ZNF728: variants seen among roughly 807,000 people sequenced by gnomAD.
The protein encoded by ZNF728 is zinc finger protein 728.
Under a neutral mutation model 12.5 loss-of-function variants are expected in ZNF728, and 12 were observed. That is an observed-to-expected ratio of 0.96 (90% confidence interval 0.61 to 1.55). The LOEUF is 1.55. Among genes scored for constraint, ZNF728 ranks in the 40% most tolerant of loss-of-function variants. The probability of loss-of-function intolerance (pLI) is 0.00; values close to 1 mark genes in which losing one functional copy is unlikely to be tolerated. For synonymous variants in ZNF728, 205 were observed against 240.7 expected, an observed-to-expected ratio of 0.85 and a Z score of 1.37; for missense variants, 692 against 719.2, an observed-to-expected ratio of 0.96 and a Z score of 0.43.
rs1011899417 is a variant in ZNF728 at position 22,987,392 on chromosome 19, G to A, written c.142C>T (p.Pro48Ser). 3 of 1,600,534 alleles carry A rather than the reference G, an allele frequency of 1.9e-6. No homozygotes were observed. Among genetic ancestry groups the A allele is most frequent in the African/African-American group, 2.7e-5 (2 of 74,088 alleles). The part of the protein sequence containing the change: ...RNLVFLGIAA[P>S]KPDLIIFLEQ... ...AGAAAAATGATCAGGTCTGGCTTAG[G>A]GGCAGCAATACCTGTTTTATTAAAA... Residue 48 changes from proline to serine, a missense_variant, in exon 3 of 4, where the codon CCT becomes TCT. By Grantham distance (74) the Pro-to-Ser change is moderately conservative. Around this residue, in one of 3 missense-constraint regions of ZNF728, gnomAD observed 440 missense variants for 459.6 expected, o/e 0.96. Transcript: ENST00000594710.
In ZNF728 at chr19:22,988,354, A is replaced by G. The variant is rs1399546261; in HGVS notation, c.101T>C (p.Leu34Ser). The G allele has an allele frequency of 1.2e-6, 2 of 1,614,068 alleles. No homozygotes were observed. Among genetic ancestry groups the G allele is most frequent in the Non-Finnish European group, 1.7e-6 (2 of 1,180,024 alleles). Reference protein sequence around the residue: ...AQQNLYRNVMLENYRNLVFLG... With the variant: ...AQQNLYRNVMSENYRNLVFLG... ...GAAGACCAGGTTTCTGTAGTTCTCT[A>G]ACATCACATTCCTATATAAATTCTG... is the stretch of plus-strand genomic sequence containing the variant. The change falls in exon 2 of 4, where the codon TTA (leucine) becomes TCA (serine). Residue 34 changes from leucine to serine, a missense_variant. Transcript: ENST00000594710.
chr19:22,979,278 A>T (rs1968837413), intron 3 of ZNF728, among the ~76,000 whole-genome samples: 1 of 152,228 alleles, frequency 6.6e-6, no homozygotes, highest in African/African-American at 2.4e-5. Context: ...CTGAAGATCA[A>T]CTTAATGAAA....
intron 1 of ZNF728, among the ~76,000 whole-genome samples, chr19:22,996,497 G>C (rs1177168527): frequency 6.6e-6 from 1 of 152,096 alleles, no homozygotes; most frequent in East Asian, 1.9e-4. Context: ...GTATCTTTTA[G>C]TCTATATTAT....
rs777465943 is a variant in ZNF728, at chr19:22,976,643, C to G, written c.694G>C (p.Glu232Gln). 71 of 1,613,010 alleles carry G rather than the reference C, an allele frequency of 4.4e-5. No homozygotes were observed. Among genetic ancestry groups the G allele is most frequent in the Non-Finnish European group, 5.8e-5 (68 of 1,179,944 alleles). ...HTGEKPCKCE[E>Q]CGKAFSKFSI... ...AACTTACTAAAGGCTTTGCCACATT[C>G]TTCACATTTGCAGGGTTTCTCTCCA... The change falls in exon 4 of 4, where the codon GAA becomes CAA. Residue 232 changes from glutamate to glutamine, a missense_variant. Physicochemically the swap from Glu to Gln is conservative, Grantham distance 29. Coordinates refer to ENST00000594710, the MANE Select transcript of ZNF728 (RefSeq NM_001267716.2).
At chr19:23,002,992 G>A (rs1283832277) in intron 1 of ZNF728, 36 bp downstream of exon 1, 2 of 1,587,690 alleles carry the variant, frequency 1.3e-6, no homozygotes, top group African/African-American at 1.4e-5. Flanking sequence ...ACCAGCGGCT[G>A]CCACTCTCTC....
chr19:22,997,638 G>C (rs1443776601), intron 1 of ZNF728, among the ~76,000 whole-genome samples: 1 of 151,388 alleles, frequency 6.6e-6, no homozygotes, highest in East Asian at 1.9e-4. Context: ...GCTAGCAAAG[G>C]CAAGAAGTAA....
chr19:22,984,577 TACACACAC>T (rs57794293), intron 3 of ZNF728, among the ~76,000 whole-genome samples: 1,743 of 109,234 alleles, frequency 0.016, 35 homozygotes, highest in African/African-American at 0.052. Context: ...AAAAAAAAAA[TACACACAC>T]ACACACACAC....
intron 1 of ZNF728, among the ~76,000 whole-genome samples, chr19:23,000,517 T>C (rs1028840703): frequency 2.6e-5 from 4 of 152,164 alleles, no homozygotes; most frequent in African/African-American, 9.7e-5. Flanking sequence ...ATGCTCTTTG[T>C]AAATATTTTC....
At chr19:22,977,482 C>T (rs1329369922) in intron 3 of ZNF728, among the ~76,000 whole-genome samples, 1 of 152,022 alleles carries the variant, frequency 6.6e-6, no homozygotes, top group African/African-American at 2.4e-5. Context: ...TTGGCACATA[C>T]AATTTAATTT....
At chr19:22,980,456 A>G (rs958012391) in intron 3 of ZNF728, among the ~76,000 whole-genome samples, 9 of 152,172 alleles carry the variant, frequency 5.9e-5, no homozygotes, top group Non-Finnish European at 1.3e-4. Flanking sequence ...CCCACTGTCA[A>G]TATTAGCCCC....
intron 1 of ZNF728, among the ~76,000 whole-genome samples, chr19:22,989,869 CATA>C (rs1162337345): frequency 6.6e-6 from 1 of 152,064 alleles, no homozygotes; most frequent in Non-Finnish European, 1.5e-5. Flanking sequence ...ACTGCATAGA[CATA>C]ATAAGGAACA....
In ZNF728 at chr19:22,975,487, C is replaced by T. The variant is rs1401311761; in HGVS notation, c.1850G>A (p.Gly617Glu). 6.5e-7 allele frequency: 1 copy of T among 1,544,178 alleles called. No homozygotes were observed. The highest frequency in any genetic ancestry group is 2.1e-5 in the Admixed American group (1 of 48,356). ...LTTHKRIHTG[G>E]KTLQM ...CATTTTTCACATTTGTAGGGTTTTT[C>T]CTCCAGTATGAATTCTCTTATGAGT... Residue 617 changes from glycine (G) to glutamate (E), a missense_variant, in exon 4 of 4, where the codon GGA (glycine) becomes GAA (glutamate). Physicochemically the swap from Gly to Glu is moderately conservative, Grantham distance 98 (BLOSUM62 -2). This residue lies in a region of ZNF728 where 244 missense variants were observed against 235.2 expected (regional missense o/e 1.04). Coordinates refer to ENST00000594710, the MANE Select transcript of ZNF728 (RefSeq NM_001267716.2).
intron 3 of ZNF728, among the ~76,000 whole-genome samples, chr19:22,980,618 C>A (rs1157176617): frequency 6.6e-6 from 1 of 152,000 alleles, no homozygotes; most frequent in African/African-American, 2.4e-5. Context: ...TAAAACTGAC[C>A]ACATAATTGG....
chr19:22,994,715 G>C (rs1385843107), intron 1 of ZNF728, among the ~76,000 whole-genome samples: 1 of 152,234 alleles, frequency 6.6e-6, no homozygotes, highest in Non-Finnish European at 1.5e-5. Flanking sequence ...GGTGCCTGCT[G>C]AAGGTAGGCT....
rs575225781 is a variant in ZNF728, at chr19:22,992,493, T to C, written c.4-4042A>G. 4.6e-5 allele frequency among the ~76,000 whole-genome samples: 7 copies of C among 152,274 alleles called. No individual in the cohort carries two copies. The East Asian group carries it at 1.4e-3, about 29-fold the overall frequency. On this transcript the variant is annotated intron_variant, in intron 1 of 3. Transcript: ENST00000594710. ...CCTGACCTCAGGTGATCCACCCACC[T>C]TGGCTTCCCAAAGTGCTGGGATTAC...
chr19:22,983,435 G>A (rs914270724), intron 3 of ZNF728, among the ~76,000 whole-genome samples: 6 of 152,192 alleles, frequency 3.9e-5, no homozygotes, highest in Admixed American at 6.5e-5. Context: ...AGCCATTGTG[G>A]AAGACAATGT....
At chr19:22,999,227 G>A (rs1969081170) in intron 1 of ZNF728, among the ~76,000 whole-genome samples, 1 of 150,660 alleles carries the variant, frequency 6.6e-6, no homozygotes, top group South Asian at 2.1e-4. Context: ...CTTATAGTTG[G>A]TACTTCCTCC....
At chr19:22,987,556 C>T (rs1968931121) in intron 2 of ZNF728, among the ~76,000 whole-genome samples, 153 bp from the exon 3 acceptor site, 1 of 152,134 alleles carries the variant, frequency 6.6e-6, no homozygotes, top group East Asian at 1.9e-4. Context: ...ATTTAGAAAA[C>T]ACTCTAATTT....
At chr19:22,998,323 C>T (rs1268325792) in intron 1 of ZNF728, among the ~76,000 whole-genome samples, 9 of 150,256 alleles carry the variant, frequency 6.0e-5, no homozygotes, top group Non-Finnish European at 1.0e-4. Context: ...AGTTTGAGAC[C>T]GGCATGGACA....
Sources: gnomAD v4.1 joint callset for allele counts (sites outside exome capture counted in the v4.1 genomes callset) on GRCh38, gnomAD v4.1.1 for gene constraint, gnomAD v4.1.1 regional missense constraint, MANE v1.5 for transcripts, NCBI Gene and HGNC (gene_info 2026-07-23, HGNC 2026-07-21) for gene names.